NMRK1: variants seen among roughly 807,000 people sequenced by gnomAD.
The protein encoded by NMRK1 is NRK 1.
Under a neutral mutation model 29.9 loss-of-function variants are expected in NMRK1, and 28 were observed. The observed-to-expected ratio is 0.94, with a 90% CI of 0.69 to 1.28. The LOEUF (loss-of-function observed/expected upper bound fraction) is 1.28. Ranked by LOEUF, NMRK1 falls within the 50% of genes most tolerant of loss-of-function variation. NMRK1 has a pLI of 0.00. For synonymous variants in NMRK1, 58 were observed against 73.0 expected (o/e 0.79, Z 1.05); for missense variants, 218 against 233.1 (o/e 0.94, Z 0.42).
intron 1 of NMRK1, among the ~76,000 whole-genome samples, chr9:75,087,286 C>G (rs1328359594): frequency 6.6e-6 from 1 of 152,108 alleles, no homozygotes; most frequent in Non-Finnish European, 1.5e-5. Context: ...CCCAAATATA[C>G]AATTAATTTA....
chr9:75,087,517 T>C (rs1284600833), intron 1 of NMRK1: 1 of 152,070 alleles, frequency 6.6e-6, no homozygotes, highest in Non-Finnish European at 1.5e-5. Flanking sequence ...GTGACCGTGT[T>C]CCAGTAAAAT....
At chr9:75,077,333 A>G in intron 3 of NMRK1, 126 bp from the exon 4 acceptor site, 2 of 845,884 alleles carry the variant, frequency 2.4e-6, no homozygotes, top group Non-Finnish European at 3.9e-6. Flanking sequence ...GCACTGATAG[A>G]CAGTGCCATC....
chr9:75,066,336 T>G, intron 8 of NMRK1: 1 of 490,178 alleles, frequency 2.0e-6, no homozygotes, highest in Non-Finnish European at 4.1e-6. Flanking sequence ...TTAAAATCTT[T>G]TGTTTATCTT....
intron 1 of NMRK1, among the ~76,000 whole-genome samples, chr9:75,083,774 T>C (rs1235906421): frequency 6.6e-6 from 1 of 152,190 alleles, no homozygotes; most frequent in Admixed American, 6.5e-5. Flanking sequence ...AGACAGTAAA[T>C]ATTTGACACT....
chr9:75,076,601 A>G (rs1824002945), intron 4 of NMRK1, among the ~76,000 whole-genome samples: 1 of 152,156 alleles, frequency 6.6e-6, no homozygotes, highest in African/African-American at 2.4e-5. Flanking sequence ...TAAAAAATAT[A>G]TATTTTTGAG....
chr9:75,073,942 G>A (rs1316555429), intron 4 of NMRK1, among the ~76,000 whole-genome samples: 5 of 152,074 alleles, frequency 3.3e-5, no homozygotes, highest in Non-Finnish European at 7.4e-5. Flanking sequence ...AGTTTACTTC[G>A]TTTGGTATTA....
At position 75,082,887 on chromosome 9, in the gene NMRK1, T is replaced by A. The variant is rs941977771; in HGVS notation, c.29+200A>T. ...GGTAAATGTGGTTGACTGACTCTTC[T>A]GTTTCTCTGTTTATAGAAAACTCTT... is the stretch of plus-strand genomic sequence containing the variant. On this transcript the variant is annotated intron_variant, in intron 2 of 8. Transcript: ENST00000361092. The A allele has an allele frequency of 9.0e-6, 5 of 558,624 alleles. No individual in the cohort carries two copies. The African/African-American group carries it at 9.6e-5, about 11-fold the overall frequency. 34.6% of individuals were successfully genotyped at this position (558,624 alleles called of 1,614,324 possible).
chr9:75,079,911 A>G (rs1279940331), intron 2 of NMRK1, among the ~76,000 whole-genome samples: 1 of 152,186 alleles, frequency 6.6e-6, no homozygotes, highest in Non-Finnish European at 1.5e-5. Flanking sequence ...CGTGCCCAGC[A>G]TGCATTCTGT....
rs749425548 is a variant in NMRK1 at position 75,069,832 on chromosome 9, T to C, written c.318-19A>G. ...AAGGGGCCTAAAATAACAGCATACT[T>C]AGTTCACAAGGGTTTTTATCCCCCC... On this transcript the variant is annotated intron_variant, in intron 5 of 8. Transcript: ENST00000361092. The C allele has an allele frequency of 5.6e-6, 9 of 1,612,272 alleles. No homozygotes were observed. The highest frequency in any genetic ancestry group is 7.6e-6 in the Non-Finnish European group (9 of 1,179,084).
chr9:75,078,657 CAG>C (rs1353178061), intron 2 of NMRK1: 1 of 752,334 alleles, frequency 1.3e-6, no homozygotes, highest in Non-Finnish European at 1.7e-6. Context: ...TGAATTCTGA[CAG>C]AAATTTAGCA....
chr9:75,075,808 T>C (rs987182290), intron 4 of NMRK1, among the ~76,000 whole-genome samples: 3 of 152,108 alleles, frequency 2.0e-5, no homozygotes, highest in Admixed American at 6.5e-5. Context: ...AATGAGAGAA[T>C]ATAGTTTGCT....
chr9:75,074,655 TG>T (rs1269577438), intron 4 of NMRK1, among the ~76,000 whole-genome samples: 7 of 152,224 alleles, frequency 4.6e-5, no homozygotes, highest in African/African-American at 1.7e-4. Context: ...CCCAAAGAGC[TG>T]GGCTTACAGG....
At position 75,061,328 on chromosome 9, in the gene NMRK1, C is replaced by A; in HGVS notation, c.*220G>T. 1 of 500,892 alleles carries A rather than the reference C, an allele frequency of 2.0e-6. No individual in the cohort carries two copies. The highest frequency in any genetic ancestry group is 3.5e-6 in the Non-Finnish European group (1 of 284,000). 31.0% of individuals were successfully genotyped at this position (500,892 alleles called of 1,614,324 possible). On this transcript the variant is annotated 3_prime_UTR_variant, in exon 9 of 9. Coordinates refer to ENST00000361092, the MANE Select transcript of NMRK1 (RefSeq NM_017881.3). The stretch of plus-strand genomic sequence containing the variant: ...CACTGTGAGCTCTGCTGTATCTATG[C>A]GCTCCCTGGAGAGGGAGCAACTTGC...
At chr9:75,078,520 G>A (rs1396395567) in intron 2 of NMRK1, 4 of 1,315,752 alleles carry the variant, frequency 3.0e-6, no homozygotes, top group South Asian at 2.3e-5. Flanking sequence ...GAGATCACAC[G>A]GGAGGGAGGC....
intron 4 of NMRK1, among the ~76,000 whole-genome samples, chr9:75,075,343 AG>A: frequency 1.3e-5 from 1 of 79,488 alleles, no homozygotes; most frequent in East Asian, 5.3e-4. Flanking sequence ...TCTGGACGAG[AG>A]GAAGAGAAGA....
chr9:75,078,083 G>A (rs1824107783), intron 2 of NMRK1, among the ~76,000 whole-genome samples: 1 of 152,228 alleles, frequency 6.6e-6, no homozygotes, highest in African/African-American at 2.4e-5. Flanking sequence ...TGGGAAAGAT[G>A]AAGGAGAAAG....
chr9:75,066,712 T>C lies in NMRK1; in HGVS notation c.580+45A>G, dbSNP rs759209931. ...TTTCATATGTAATGAATGATTTTCCTGGCTGTTTCTCCTCTACCATCCACT... is the reference window on the plus strand; with the variant it reads ...TTTCATATGTAATGAATGATTTTCCCGGCTGTTTCTCCTCTACCATCCACT... On this transcript the variant is annotated intron_variant, in intron 8 of 8. Transcript: ENST00000361092. The C allele has an allele frequency of 3.9e-6, 4 of 1,037,460 alleles. No individual in the cohort carries two copies. In the East Asian group the frequency reaches 9.5e-5, roughly 25 times the overall value. The allele number at this position is 1,037,460 out of a possible 1,614,324, so 64.3% of individuals were successfully genotyped here.
At chr9:75,075,394 CAG>C (rs1823931120) in intron 4 of NMRK1, among the ~76,000 whole-genome samples, 7 of 152,012 alleles carry the variant, frequency 4.6e-5, no homozygotes, top group Non-Finnish European at 1.0e-4. Context: ...GATGCAAGAA[CAG>C]AGAGTGAGTC....
At chr9:75,078,582 T>A in intron 2 of NMRK1, 1 of 1,256,044 alleles carries the variant, frequency 8.0e-7, no homozygotes, top group South Asian at 3.4e-5. Flanking sequence ...GGGGCTCATG[T>A]CTGTGAACAT....
Sources: gnomAD v4.1 joint callset for allele counts (sites outside exome capture counted in the v4.1 genomes callset) on GRCh38, gnomAD v4.1.1 for gene constraint, MANE v1.5 for transcripts, NCBI Gene and HGNC (gene_info 2026-07-23, HGNC 2026-07-21) for gene names.